The following CDON variants were observed in gnomAD, a reference collection of about 807,000 sequenced individuals.
CDON encodes cell adhesion associated, oncogene regulated.
In CDON, 73 loss-of-function variants were observed where a neutral mutation model predicts 120.9. The observed-to-expected ratio is 0.60, with a 90% CI of 0.50 to 0.73. The LOEUF (loss-of-function observed/expected upper bound fraction) is 0.73. Ranked by LOEUF, CDON falls within the 30% of genes least tolerant of loss-of-function variation. CDON has a pLI of 0.00. For synonymous variants in CDON, 566 were observed against 573.5 expected (o/e 0.99, Z 0.19); for missense variants, 1,470 against 1,587.3 (o/e 0.93, Z 1.26).
At chr11:126,009,998 C>T (rs927963066) in intron 8 of CDON, among the ~76,000 whole-genome samples, 1 of 152,158 alleles carries the variant, frequency 6.6e-6, no homozygotes, top group African/African-American at 2.4e-5. Context: ...AGACCCAATA[C>T]TGTAGTTATC....
At position 126,018,717 on chromosome 11, in the gene CDON, T is replaced by C. The variant is rs112978541; in HGVS notation, c.497-244A>G. On this transcript the variant is annotated intron_variant, in intron 4 of 19. Coordinates refer to ENST00000531738, the MANE Select transcript of CDON (RefSeq NM_001378964.1). ...CCAAGTAGCTGGGACTACAGGTGCA[T>C]GCCACCACACCCAGTTAATTTTTAA... Among the ~76,000 whole-genome samples the C allele has an allele frequency of 0.1, 15,834 of 152,070 alleles. 863 individuals carry two copies. The highest frequency in any genetic ancestry group is 0.13 in the Admixed American group (1,922 of 15,280).
chr11:125,967,447 C>T (rs1317666794), intron 18 of CDON, among the ~76,000 whole-genome samples: 1 of 152,132 alleles, frequency 6.6e-6, no homozygotes, highest in Non-Finnish European at 1.5e-5. Flanking sequence ...TATTATCTGT[C>T]TGCTTCAAAG....
At chr11:126,018,771 T>C (rs1163347123) in intron 4 of CDON, among the ~76,000 whole-genome samples, 3 of 152,178 alleles carry the variant, frequency 2.0e-5, no homozygotes, top group South Asian at 4.1e-4. Flanking sequence ...GGTCTCACTA[T>C]ATTGCCCAGG....
intron 1 of CDON, among the ~76,000 whole-genome samples, chr11:126,047,895 G>A (rs962973980): frequency 2.0e-5 from 3 of 152,204 alleles, no homozygotes; most frequent in Middle Eastern, 3.4e-3. Context: ...TACATGCTAC[G>A]TTTATATAAA....
chr11:125,965,339 A>G (rs997526104), intron 18 of CDON, among the ~76,000 whole-genome samples: 6 of 152,138 alleles, frequency 3.9e-5, no homozygotes, highest in African/African-American at 1.2e-4. Context: ...AAATGGAGGA[A>G]TTTTGTCTTA....
chr11:125,969,614 CTTTG>C (rs1338927821), intron 18 of CDON, among the ~76,000 whole-genome samples: 1 of 152,178 alleles, frequency 6.6e-6, no homozygotes, highest in Non-Finnish European at 1.5e-5. Context: ...AATGAAACTA[CTTTG>C]TTTAATCTTA....
intron 7 of CDON, among the ~76,000 whole-genome samples, chr11:126,012,023 T>G (rs1309635988): frequency 6.6e-6 from 1 of 152,216 alleles, no homozygotes; most frequent in Non-Finnish European, 1.5e-5. Context: ...AGTCTCTATC[T>G]TGTTCCAAGA....
chr11:126,045,906 A>G (rs654112), intron 1 of CDON, among the ~76,000 whole-genome samples: 93,161 of 151,886 alleles, frequency 0.61, 29,082 homozygotes, highest in African/African-American at 0.71. Context: ...GGAGGCAGAG[A>G]ATGCGGTGAG....
intron 1 of CDON, among the ~76,000 whole-genome samples, chr11:126,061,315 T>C (rs370908651): frequency 1.3e-5 from 2 of 152,196 alleles, no homozygotes; most frequent in South Asian, 2.1e-4. Flanking sequence ...CAGTATTTGG[T>C]GCTTCTCGGG....
At chr11:126,031,133 T>A (rs538240222) in intron 1 of CDON, among the ~76,000 whole-genome samples, 79 of 152,262 alleles carry the variant, frequency 5.2e-4, no homozygotes, top group African/African-American at 1.9e-3. Context: ...GAATTCATCT[T>A]TTATTCAGTA....
At chr11:126,006,136 C>G in intron 8 of CDON, 79 bp from the exon 9 acceptor site, 1 of 1,308,794 alleles carries the variant, frequency 7.6e-7, no homozygotes, top group Non-Finnish European at 1.1e-6. Context: ...ACGTGACTGC[C>G]CTCACTTGTA....
At chr11:126,039,662 C>T (rs556053761) in intron 1 of CDON, among the ~76,000 whole-genome samples, 3 of 152,266 alleles carry the variant, frequency 2.0e-5, no homozygotes, top group Admixed American at 1.3e-4. Flanking sequence ...CATCTGTAAA[C>T]GCAGGTATTC....
At chr11:125,997,439 C>T (rs1280726466) in intron 11 of CDON, 29 bp from the exon 12 acceptor site, 2 of 1,475,146 alleles carry the variant, frequency 1.4e-6, no homozygotes, top group Non-Finnish European at 1.9e-6. Flanking sequence ...ATTTCAATAA[C>T]CCACCATGTC....
chr11:126,036,213 A>G (rs1388972388), intron 1 of CDON, among the ~76,000 whole-genome samples: 1 of 152,236 alleles, frequency 6.6e-6, no homozygotes, highest in Non-Finnish European at 1.5e-5. Context: ...GCAGGCATGA[A>G]TATTCTCATT....
intron 1 of CDON, among the ~76,000 whole-genome samples, chr11:126,033,450 G>A (rs1385287988): frequency 6.6e-6 from 1 of 152,054 alleles, no homozygotes; most frequent in African/African-American, 2.4e-5. Context: ...CATGCTTGAA[G>A]GGACAGAAAC....
At position 126,017,101 on chromosome 11, in the gene CDON, C is replaced by T. The variant is rs746152934; in HGVS notation, c.915G>A (p.Met305Ile). Residue 305 changes from methionine (M) to isoleucine (I), a missense_variant, in exon 6 of 20, where the codon ATG becomes ATA. Physicochemically the swap from Met to Ile is conservative, Grantham distance 10. Transcript: ENST00000531738. Reference protein sequence around the residue: ...KSGDVKYVTYMVNVLEHASIS... With the variant: ...KSGDVKYVTYIVNVLEHASIS... The stretch of plus-strand genomic sequence containing the variant: ...CTAACATCTTACCAAGTACATTAAC[C>T]ATGTAAGTCACATATTTTACATCTC... 2.5e-6 allele frequency: 4 copies of T among 1,613,886 alleles called. No individual in the cohort carries two copies. Among genetic ancestry groups the T allele is most frequent in the Non-Finnish European group, 3.4e-6 (4 of 1,179,830 alleles).
chr11:126,003,730 G>C (rs1947028085), intron 10 of CDON, among the ~76,000 whole-genome samples, 172 bp downstream of exon 10: 1 of 152,168 alleles, frequency 6.6e-6, no homozygotes, highest in East Asian at 1.9e-4. Context: ...TGAGGCCGGA[G>C]AACTGCTTGA....
rs1440142499 is a variant in CDON at position 125,981,105 on chromosome 11, T to C, written c.3220A>G (p.Ser1074Gly). ...SLNGGLYSGH[S>G]NSLTRTHVDF... ...ACGTGTGTCCTGGTTAGAGAGTTGCTGTGCCCGGAGTAAAGCCCTCCATTT... is the reference window on the plus strand; with the variant it reads ...ACGTGTGTCCTGGTTAGAGAGTTGCCGTGCCCGGAGTAAAGCCCTCCATTT... The change falls in exon 17 of 20, where the codon AGC becomes GGC. Residue 1074 changes from serine (S) to glycine (G), a missense_variant. Transcript: ENST00000531738. The C allele has an allele frequency of 1.9e-6, 3 of 1,614,224 alleles. No individual in the cohort carries two copies. The East Asian group carries it at 6.7e-5, about 36-fold the overall frequency.
chr11:126,049,743 C>G (rs931552586), intron 1 of CDON, among the ~76,000 whole-genome samples: 6 of 152,144 alleles, frequency 3.9e-5, no homozygotes, highest in African/African-American at 1.4e-4. Context: ...TGTAACACAT[C>G]CAAGAAATTG....
Sources: allele counts gnomAD v4.1 joint callset (sites outside exome capture counted in the v4.1 genomes callset), GRCh38; gene constraint gnomAD v4.1.1; transcripts MANE v1.5; gene names NCBI Gene and HGNC (gene_info 2026-07-23, HGNC 2026-07-21).